Variants in TMTC2 observed in about 807,000 individuals in gnomAD.
The protein encoded by TMTC2 is protein O-mannosyl-transferase TMTC2.
Under a neutral mutation model 82.4 loss-of-function variants are expected in TMTC2, and 43 were observed. The observed-to-expected ratio is 0.52, with a 90% confidence interval of 0.41 to 0.67. The LOEUF (loss-of-function observed/expected upper bound fraction) is 0.67. Among genes scored for constraint, TMTC2 ranks in the 30% least tolerant of loss-of-function variants. The probability of loss-of-function intolerance (pLI) is 0.00; values close to 1 mark genes in which losing one functional copy is unlikely to be tolerated. For missense variants in TMTC2, 919 were observed against 1,012.4 expected (o/e 0.91, Z 1.25); for synonymous variants, 408 against 381.9 (o/e 1.07, Z -0.80).
chr12:82,787,533 C>A (rs1317949702), intron 1 of TMTC2, among the ~76,000 whole-genome samples: 2 of 152,118 alleles, frequency 1.3e-5, no homozygotes, highest in African/African-American at 4.8e-5. Flanking sequence ...TTAAAATTAT[C>A]TTTGACCTAA....
chr12:82,763,200 A>C (rs1362750194), intron 1 of TMTC2, among the ~76,000 whole-genome samples: 2 of 151,930 alleles, frequency 1.3e-5, no homozygotes, highest in African/African-American at 2.4e-5. Flanking sequence ...AGAAAAAAAA[A>C]ACAAGAAAAA....
At chr12:82,760,831 C>A in intron 1 of TMTC2, 1 of 413,056 alleles carries the variant, frequency 2.4e-6, no homozygotes, top group Non-Finnish European at 4.9e-6. Flanking sequence ...TTATGAAAAT[C>A]TAATGCCTGA....
chr12:82,806,683 A>T (rs1057424767), intron 1 of TMTC2, among the ~76,000 whole-genome samples: 2 of 152,092 alleles, frequency 1.3e-5, no homozygotes, highest in African/African-American at 4.8e-5. Flanking sequence ...TTAGAGAAAA[A>T]TATTAACGGA....
intron 11 of TMTC2, among the ~76,000 whole-genome samples, chr12:83,069,963 T>C (rs533911856): frequency 2.0e-5 from 3 of 152,292 alleles, no homozygotes; most frequent in East Asian, 1.9e-4. Context: ...CCCCACTTTA[T>C]GTTTTTGTTT....
intron 9 of TMTC2, among the ~76,000 whole-genome samples, chr12:83,038,857 T>C (rs2137435977): frequency 6.6e-6 from 1 of 152,210 alleles, no homozygotes; most frequent in East Asian, 1.9e-4. Context: ...ATTTTAAATT[T>C]TCTATAATGA....
intron 4 of TMTC2, among the ~76,000 whole-genome samples, chr12:82,937,772 A>ATATATGTGTGTG (rs1876443925): frequency 4.4e-5 from 1 of 22,690 alleles, no homozygotes; most frequent in African/African-American, 1.4e-4. Context: ...ATATATATAT[A>ATATATGTGTGTG]TATATATATA....
chr12:83,124,706 A>G (rs1885053652), intron 11 of TMTC2, among the ~76,000 whole-genome samples: 1 of 152,166 alleles, frequency 6.6e-6, no homozygotes, highest in South Asian at 2.1e-4. Context: ...GACACAATGT[A>G]CATTGAGAGA....
In TMTC2 at chr12:83,132,523, C is replaced by T. The variant is rs1479032634; in HGVS notation, c.*134C>T. On this transcript the variant is annotated 3_prime_UTR_variant, in exon 12 of 12. Transcript: ENST00000321196. ...GGGCAGAGGTCATTGAGGTCACTACCGCTTCTGGAAGAATCCACTTTGCTG... is the reference window on the plus strand; with the variant it reads ...GGGCAGAGGTCATTGAGGTCACTACTGCTTCTGGAAGAATCCACTTTGCTG... 3.2e-5 allele frequency: 32 copies of T among 1,000,812 alleles called. No individual in the cohort carries two copies. The highest frequency in any genetic ancestry group is 3.6e-5 in the Non-Finnish European group (25 of 698,560). 62.0% of individuals were successfully genotyped at this position (1,000,812 alleles called of 1,614,324 possible).
chr12:83,125,485 T>C (rs1197589502), intron 11 of TMTC2, among the ~76,000 whole-genome samples: 1 of 152,188 alleles, frequency 6.6e-6, no homozygotes, highest in Admixed American at 6.5e-5. Context: ...CTTATAACCT[T>C]ATGAAAATGT....
chr12:82,806,584 A>G (rs1879252216), intron 1 of TMTC2, among the ~76,000 whole-genome samples: 1 of 152,188 alleles, frequency 6.6e-6, no homozygotes. Flanking sequence ...AAACTTCATT[A>G]CTAATACTAT....
At chr12:82,903,880 C>T (rs1190558029) in intron 3 of TMTC2, among the ~76,000 whole-genome samples, 2 of 152,064 alleles carry the variant, frequency 1.3e-5, no homozygotes, top group African/African-American at 4.8e-5. Flanking sequence ...TGAAATAAGG[C>T]AAAAGTGTGA....
intron 1 of TMTC2, among the ~76,000 whole-genome samples, chr12:82,826,644 G>C (rs1395274738): frequency 3.3e-5 from 5 of 152,144 alleles, no homozygotes; most frequent in Non-Finnish European, 7.4e-5. Context: ...CATCTTCAGT[G>C]GGGGTAGAAA....
intron 2 of TMTC2, among the ~76,000 whole-genome samples, chr12:82,885,235 G>T (rs2137161783): frequency 6.6e-6 from 1 of 151,948 alleles, no homozygotes; most frequent in African/African-American, 2.4e-5. Context: ...CAGTTTTGAG[G>T]ATTCCCAATT....
At chr12:82,936,388 CAA>C (rs1565817345) in intron 4 of TMTC2, among the ~76,000 whole-genome samples, 1 of 151,944 alleles carries the variant, frequency 6.6e-6, no homozygotes, top group Non-Finnish European at 1.5e-5. Flanking sequence ...CACACACACA[CAA>C]GGACAACAAC....
intron 1 of TMTC2, among the ~76,000 whole-genome samples, chr12:82,757,586 G>A (rs368238406): frequency 3.8e-4 from 58 of 152,226 alleles, no homozygotes; most frequent in African/African-American, 1.3e-3. Flanking sequence ...CTGCAGTTAT[G>A]AGGTTACTCT....
intron 11 of TMTC2, among the ~76,000 whole-genome samples, chr12:83,097,501 T>G (rs1884068807): frequency 6.6e-6 from 1 of 152,212 alleles, no homozygotes; most frequent in African/African-American, 2.4e-5. Context: ...CCATGTATTC[T>G]TTCATTTAAC....
At chr12:83,090,853 C>T (rs1382665517) in intron 11 of TMTC2, among the ~76,000 whole-genome samples, 3 of 152,184 alleles carry the variant, frequency 2.0e-5, no homozygotes, top group African/African-American at 7.2e-5. Context: ...GTTCATAAAT[C>T]AACAAATACA....
intron 1 of TMTC2, among the ~76,000 whole-genome samples, chr12:82,834,263 A>G (rs1869906506): frequency 1.3e-5 from 2 of 152,230 alleles, no homozygotes; most frequent in Admixed American, 6.5e-5. Context: ...GTATTTGGGA[A>G]ACACTGGATT....
chr12:82,873,348 T>C (rs1369535076), intron 2 of TMTC2, among the ~76,000 whole-genome samples: 2 of 149,000 alleles, frequency 1.3e-5, no homozygotes, highest in Non-Finnish European at 2.9e-5. Flanking sequence ...CCCTGTTTTT[T>C]CACTTGTGCC....
Sources: allele counts gnomAD v4.1 joint callset (sites outside exome capture counted in the v4.1 genomes callset), GRCh38; gene constraint gnomAD v4.1.1; transcripts MANE v1.5; gene names NCBI Gene and HGNC (gene_info 2026-07-23, HGNC 2026-07-21).